The following MINDY3 variants were observed in gnomAD, a reference collection of about 807,000 sequenced individuals.
MINDY3 encodes the protein MINDY lysine 48 deubiquitinase 3.
MINDY3 carries 38 observed loss-of-function variants against 69.2 expected under a neutral mutation model. The observed-to-expected ratio is 0.55, with a 90% CI of 0.42 to 0.72. MINDY3 has a LOEUF of 0.72. Ranked by LOEUF, MINDY3 falls within the 30% of genes least tolerant of loss-of-function variation. The pLI, the probability that MINDY3 is intolerant of heterozygous loss-of-function variation, is 0.00. For synonymous variants in MINDY3, 192 were observed against 180.1 expected (o/e 1.07, Z -0.53); for missense variants, 522 against 519.0 (o/e 1.01, Z -0.06).
At chr10:15,822,832 A>G (rs1839860336) in intron 8 of MINDY3, among the ~76,000 whole-genome samples, 1 of 152,202 alleles carries the variant, frequency 6.6e-6, no homozygotes, top group Non-Finnish European at 1.5e-5. Context: ...CGCAGGGAAT[A>G]AAAATGTGAT....
At chr10:15,842,975 T>C (rs976280019) in intron 3 of MINDY3, among the ~76,000 whole-genome samples, 1 of 151,642 alleles carries the variant, frequency 6.6e-6, no homozygotes, top group Non-Finnish European at 1.5e-5. Context: ...AAATGCACCG[T>C]GTTTTACCAA....
intron 7 of MINDY3, among the ~76,000 whole-genome samples, chr10:15,834,010 A>C (rs962874373): frequency 6.6e-6 from 1 of 152,030 alleles, no homozygotes. Context: ...ACAATCTTTA[A>C]AAATGAATAT....
At chr10:15,782,024 G>A (rs1392273659) in intron 14 of MINDY3, 131 bp downstream of exon 14, 3 of 711,438 alleles carry the variant, frequency 4.2e-6, no homozygotes, top group Non-Finnish European at 7.2e-6. Flanking sequence ...ATTCTAAAAT[G>A]TGTCCTCATA....
chr10:15,782,207 G>T lies in MINDY3; in HGVS notation c.1136C>A (p.Ser379Tyr). ...TCCATTGTAGTGGTAGACAGTAAAA[G>T]ATTCTGGACCACTGGAGCCCTATTA... is the stretch of plus-strand genomic sequence containing the variant. ...FPDQGSSGPE[S>Y]FTVYHYNGLK... Residue 379 changes from serine (S) to tyrosine (Y), a missense_variant, in exon 14 of 15, where the codon TCT becomes TAT. Transcript: ENST00000277632. 6.2e-7 allele frequency: 1 copy of T among 1,608,196 alleles called. No individual in the cohort carries two copies. Among genetic ancestry groups the T allele is most frequent in the Non-Finnish European group, 8.5e-7 (1 of 1,176,088 alleles).
intron 1 of MINDY3, among the ~76,000 whole-genome samples, chr10:15,852,726 T>C (rs964918416): frequency 1.3e-5 from 2 of 152,116 alleles, no homozygotes; most frequent in Non-Finnish European, 1.5e-5. Flanking sequence ...TTTAAAAGGT[T>C]GAAGTGTAAT....
intron 6 of MINDY3, among the ~76,000 whole-genome samples, chr10:15,835,217 T>G (rs1832994655): frequency 6.6e-6 from 1 of 152,006 alleles, no homozygotes. Flanking sequence ...TTTTAAACCT[T>G]CAGAAGGGCA....
At chr10:15,832,106 T>G (rs184182896) in intron 8 of MINDY3, among the ~76,000 whole-genome samples, 1 of 152,080 alleles carries the variant, frequency 6.6e-6, no homozygotes, top group Non-Finnish European at 1.5e-5. Flanking sequence ...GTTTGGGGAC[T>G]AGGGTAAGCT....
intron 1 of MINDY3, among the ~76,000 whole-genome samples, chr10:15,850,317 A>C (rs945631969): frequency 8.5e-5 from 13 of 152,234 alleles, no homozygotes; most frequent in African/African-American, 3.1e-4. Flanking sequence ...ACCCAAAAGC[A>C]ACAGGATGGC....
intron 13 of MINDY3, among the ~76,000 whole-genome samples, chr10:15,786,275 G>C (rs986753441): frequency 6.6e-6 from 1 of 152,124 alleles, no homozygotes. Context: ...AGTGGAGAAA[G>C]AGAATCTTTC....
chr10:15,812,813 A>G (rs1317693129), intron 10 of MINDY3, among the ~76,000 whole-genome samples: 2 of 152,190 alleles, frequency 1.3e-5, no homozygotes, highest in Non-Finnish European at 2.9e-5. Context: ...GCTGCTAAGT[A>G]CACATTTTCT....
At chr10:15,849,107 A>G (rs753714093) in intron 1 of MINDY3, among the ~76,000 whole-genome samples, 3 of 152,244 alleles carry the variant, frequency 2.0e-5, no homozygotes, top group Non-Finnish European at 4.4e-5. Flanking sequence ...TAAGAGAAGA[A>G]TGCAGAGTAT....
At chr10:15,794,825 T>C (rs1184284962) in intron 11 of MINDY3, among the ~76,000 whole-genome samples, 1 of 152,108 alleles carries the variant, frequency 6.6e-6, no homozygotes, top group Non-Finnish European at 1.5e-5. Context: ...TTAATTTCAG[T>C]ATCTTTGCAG....
At chr10:15,803,058 G>A (rs1838378759) in intron 10 of MINDY3, among the ~76,000 whole-genome samples, 1 of 152,090 alleles carries the variant, frequency 6.6e-6, no homozygotes. Context: ...GTGATTACTG[G>A]CTTGCTTATT....
At chr10:15,833,167 T>C (rs530773309) in intron 8 of MINDY3, among the ~76,000 whole-genome samples, 1 of 152,142 alleles carries the variant, frequency 6.6e-6, no homozygotes, top group Non-Finnish European at 1.5e-5. Flanking sequence ...GAAGTGGTAG[T>C]GGAAGAGTTG....
intron 13 of MINDY3, 62 bp from the exon 14 acceptor site, chr10:15,782,288 A>G: frequency 8.9e-7 from 1 of 1,120,202 alleles, no homozygotes. Flanking sequence ...ATTTCTAATC[A>G]ACTGAAAGTA....
intron 8 of MINDY3, 147 bp from the exon 9 acceptor site, chr10:15,821,873 G>GTCAAC: frequency 1.6e-6 from 1 of 616,972 alleles, no homozygotes; most frequent in African/African-American, 1.9e-5. Context: ...AACTTAGCAT[G>GTCAAC]TAATCATTAC....
intron 12 of MINDY3, chr10:15,788,763 A>G (rs1837178870): frequency 6.5e-6 from 1 of 152,804 alleles, no homozygotes; most frequent in Admixed American, 6.5e-5. Context: ...ACGATATGCC[A>G]TAATATATTG....
chr10:15,803,989 A>AAGAG (rs1350930458), intron 10 of MINDY3, among the ~76,000 whole-genome samples: 2 of 152,126 alleles, frequency 1.3e-5, no homozygotes, highest in African/African-American at 4.8e-5. Context: ...CCTCAGTAGG[A>AAGAG]AGAGATCCTA....
chr10:15,817,064 C>T (rs916940758), intron 9 of MINDY3, 149 bp from the exon 10 acceptor site: 31 of 623,112 alleles, frequency 5.0e-5, no homozygotes, highest in Non-Finnish European at 1.7e-5. Context: ...CCATAGAGAT[C>T]AAATGCTGAA....
Sources: gnomAD v4.1 joint callset for allele counts (sites outside exome capture counted in the v4.1 genomes callset) on GRCh38, gnomAD v4.1.1 for gene constraint, MANE v1.5 for transcripts, NCBI Gene and HGNC (gene_info 2026-07-23, HGNC 2026-07-21) for gene names.